Variants in RIF1 observed in about 807,000 individuals in gnomAD.
RIF1 encodes telomere-associated protein RIF1.
Under a neutral mutation model 247.1 loss-of-function variants are expected in RIF1, and 45 were observed. That is an observed-to-expected ratio of 0.18 (90% CI 0.14 to 0.23). The LOEUF is 0.23. RIF1 is among the 10% of genes least tolerant of loss of function. The pLI is 1.00. For missense variants in RIF1, 2,967 were observed against 2,862.5 expected, an observed-to-expected ratio of 1.04 and a Z score of -0.83; for synonymous variants, 1,087 against 978.8, an observed-to-expected ratio of 1.11 and a Z score of -2.06.
rs1393535712 is a variant in RIF1, at chr2:151,457,782, A to G, written c.2674A>G (p.Ile892Val). Residue 892 changes from isoleucine to valine, a missense_variant, in exon 24 of 36, where the codon ATT (isoleucine) becomes GTT (valine). Physicochemically the swap from Ile to Val is conservative, Grantham distance 29. Transcript: ENST00000444746. ...NNKLEKLLGE[I>V]IACLQFSYTG... The stretch of plus-strand genomic sequence containing the variant: ...CTAGTTAGAAAAGCTACTGGGAGAA[A>G]TTATTGCTTGTCTGCAATTCAGCTA... 2 of 1,613,828 alleles carry G rather than the reference A, an allele frequency of 1.2e-6. No homozygotes were observed. The highest frequency in any genetic ancestry group is 1.7e-6 in the Non-Finnish European group (2 of 1,179,866).
At chr2:151,531,178 T>C in the RIF1 span, 7 of 942,810 alleles carry the variant, frequency 7.4e-6, no homozygotes, top group Non-Finnish European at 1.2e-5. Context: ...GCAAAGTTTT[T>C]TCCTGAGTGA....
Position 151,462,273 on chromosome 2 carries a change from G to C in RIF1, c.3259G>C (p.Asp1087His). 1.3e-6 allele frequency: 2 copies of C among 1,589,316 alleles called. No homozygotes were observed. Among genetic ancestry groups the C allele is most frequent in the South Asian group, 1.2e-5 (1 of 85,948 alleles). ...TATTCCTGCCATGTATAATAATCTG[G>C]ATGTTTCCCAAGATACCTTATTTAC... is the stretch of plus-strand genomic sequence containing the variant. Reference protein sequence around the residue: ...CDIPAMYNNLDVSQDTLFTQY... With the variant: ...CDIPAMYNNLHVSQDTLFTQY... Residue 1087 changes from aspartate (D) to histidine (H), a missense_variant, in exon 28 of 36, where the codon GAT (aspartate) becomes CAT (histidine). Physicochemically the swap from Asp to His is moderately conservative, Grantham distance 81 (BLOSUM62 -1). Around this residue, in one of 7 missense-constraint regions of RIF1, gnomAD observed 2,028 missense variants for 1,825.6 expected, o/e 1.11. Transcript: ENST00000444746.
Position 151,465,546 on chromosome 2 carries a change from A to G in RIF1, c.6026A>G (p.His2009Arg). 1 of 1,613,986 alleles carries G rather than the reference A, an allele frequency of 6.2e-7. No homozygotes were observed. Among genetic ancestry groups the G allele is most frequent in the Non-Finnish European group, 8.5e-7 (1 of 1,179,940 alleles). The change falls in exon 30 of 36, where the codon CAC becomes CGC. Residue 2009 changes from histidine (H) to arginine (R), a missense_variant. Physicochemically the swap from His to Arg is conservative, Grantham distance 29 (BLOSUM62 0). Transcript: ENST00000444746. ...LDGGNDVSDL[H>R]SSEETNTKMK... The stretch of plus-strand genomic sequence containing the variant: ...GGAGGAAATGATGTATCTGATCTAC[A>G]CTCATCTGAAGAAACGAATACCAAA...
chr2:151,509,570 G>A (rs6433469), downstream of RIF1, among the ~76,000 whole-genome samples: 89,966 of 151,800 alleles, frequency 0.59, 27,063 homozygotes, highest in Admixed American at 0.7. Flanking sequence ...GCTATTTCTC[G>A]TGGCCCAATA....
chr2:151,492,785 C>T (rs1480650816), intron 9 of RIF1: 2 of 245,390 alleles, frequency 8.2e-6, no homozygotes, highest in Admixed American at 1.0e-4. Context: ...GGAATTACAG[C>T]ATCAACATAT....
At chr2:151,413,099 G>A (rs540590150) in intron 3 of RIF1, among the ~76,000 whole-genome samples, 1 of 151,020 alleles carries the variant, frequency 6.6e-6, no homozygotes, top group South Asian at 2.1e-4. Context: ...AGGCTGGAGT[G>A]CAATGGCTTG....
chr2:151,446,338 T>G (rs1274409111), intron 19 of RIF1, 88 bp from the exon 20 acceptor site: 1 of 1,274,974 alleles, frequency 7.8e-7, no homozygotes, highest in Non-Finnish European at 1.1e-6. Flanking sequence ...TGCAGTGTTT[T>G]TAAAAAATGT....
At chr2:151,482,409 G>A (rs1055150895), downstream of RIF1, among the ~76,000 whole-genome samples, 2 of 152,018 alleles carry the variant, frequency 1.3e-5, no homozygotes, top group Non-Finnish European at 2.9e-5. Context: ...CAGAGGTGGT[G>A]GTTTTTCTGT....
At chr2:151,509,752 C>T (rs924047548), downstream of RIF1, among the ~76,000 whole-genome samples, 12 of 152,216 alleles carry the variant, frequency 7.9e-5, no homozygotes, top group African/African-American at 2.6e-4. Context: ...CTCAGGCTTC[C>T]GAGTAGCTGG....
intron 7 of RIF1, among the ~76,000 whole-genome samples, chr2:151,420,734 C>CAA (rs35285535): frequency 0.019 from 2,068 of 111,746 alleles, 38 homozygotes; most frequent in African/African-American, 0.029. Context: ...GACCCTGTCT[C>CAA]AAAAAAAAAA....
chr2:151,497,317 C>T (rs2060894449), intron 10 of RIF1: 1 of 978,732 alleles, frequency 1.0e-6, no homozygotes, highest in Admixed American at 6.2e-5. Context: ...ACCATGCCTC[C>T]TAAACAATTA....
intron 13 of RIF1, chr2:151,506,803 G>A (rs1384745045): frequency 2.7e-6 from 2 of 740,228 alleles, no homozygotes; most frequent in African/African-American, 1.8e-5. Flanking sequence ...TATTACTGAG[G>A]AGGTTAGATG....
At chr2:151,497,176 C>G in intron 10 of RIF1, 1 of 1,272,632 alleles carries the variant, frequency 7.9e-7, no homozygotes, top group Non-Finnish European at 1.1e-6. Context: ...CAAAATGCCA[C>G]CGACTACTTT....
chr2:151,410,339 C>G (rs549499534), intron 1 of RIF1, 75 bp from the exon 2 acceptor site: 1 of 1,185,172 alleles, frequency 8.4e-7, no homozygotes, highest in South Asian at 1.3e-5. Context: ...GTGTGAGGGC[C>G]GGACTCACAC....
At chr2:151,422,662 G>A (rs1379433393) in intron 7 of RIF1, among the ~76,000 whole-genome samples, 1 of 151,828 alleles carries the variant, frequency 6.6e-6, no homozygotes, top group Non-Finnish European at 1.5e-5. Context: ...ACCATGCCCA[G>A]CTAATTTTTG....
At position 151,415,837 on chromosome 2, in the gene RIF1, A is replaced by G. The variant is rs925790166; in HGVS notation, c.281-724A>G. 2.6e-5 allele frequency among the ~76,000 whole-genome samples: 4 copies of G among 152,148 alleles called. No homozygotes were observed. The South Asian group carries it at 6.2e-4, about 24-fold the overall frequency. ...GGTTGCAGTGAGCCAAGGTGTTGCC[A>G]TTGCACTCCAGCCTGGGCAAGAGTG... is the stretch of plus-strand genomic sequence containing the variant. On this transcript the variant is annotated intron_variant, in intron 4 of 35. Coordinates refer to ENST00000444746, the MANE Select transcript of RIF1 (RefSeq NM_018151.5).
rs372203426 is a variant in RIF1 at position 151,492,440 on chromosome 2, A to G, written c.*416-2789A>G. On this transcript the variant is annotated intron_variant and NMD_transcript_variant, in intron 9 of 13. Transcript: ENST00000454583. Reference sequence around the variant, plus strand: ...ACCCGTCTCATCTCGGGGGTATCCAATACATAGGCAGCTTTGCCTTGTATT... The same window carrying G: ...ACCCGTCTCATCTCGGGGGTATCCAGTACATAGGCAGCTTTGCCTTGTATT... The G allele has an allele frequency of 3.7e-5, 59 of 1,613,104 alleles. No individual in the cohort carries two copies. The highest frequency in any genetic ancestry group is 6.7e-5 in the African/African-American group (5 of 74,808).
rs781458927 is a variant in RIF1, at chr2:151,466,168, A to T, written c.6600+48A>T. 3 of 1,240,212 alleles carry T rather than the reference A, an allele frequency of 2.4e-6. No individual in the cohort carries two copies. The South Asian group carries it at 4.4e-5, about 18-fold the overall frequency. 76.8% of individuals were successfully genotyped at this position (1,240,212 alleles called of 1,614,324 possible). Reference sequence around the variant, plus strand: ...TTAAGGAACCCAGTATTTGGTTGGGATATTTTGGCCATACAGTGACCTCTG... The same window carrying T: ...TTAAGGAACCCAGTATTTGGTTGGGTTATTTTGGCCATACAGTGACCTCTG... On this transcript the variant is annotated intron_variant, in intron 30 of 35. Transcript: ENST00000444746.
At position 151,503,411 on chromosome 2, in the gene RIF1, T is replaced by C. The variant is rs1322894219; in HGVS notation, c.*861+226T>C. On this transcript the variant is annotated intron_variant and NMD_transcript_variant, in intron 12 of 13. Transcript: ENST00000454583. ...ATCTCTGGAGTCACAGTGGTTGGAA[T>C]GCCTGTTCCCAAGTTTTCTTTGTAC... 1.2e-6 allele frequency: 2 copies of C among 1,612,670 alleles called. No individual in the cohort carries two copies.
Sources: gnomAD v4.1 joint callset for allele counts (sites outside exome capture counted in the v4.1 genomes callset) on GRCh38, gnomAD v4.1.1 for gene constraint, gnomAD v4.1.1 regional missense constraint, MANE v1.5 for transcripts, NCBI Gene and HGNC (gene_info 2026-07-23, HGNC 2026-07-21) for gene names.